The following MTA1 variants were observed in gnomAD, a reference collection of about 807,000 sequenced individuals.
The protein encoded by MTA1 is metastasis associated 1, also known as metastasis-associated protein MTA1.
In MTA1, 15 loss-of-function variants were observed where a neutral mutation model predicts 97.0. The ratio of observed to expected loss-of-function variants is 0.15; its 90% CI spans 0.10 to 0.24. The LOEUF is 0.24. Ranked by LOEUF, MTA1 falls within the 10% of genes least tolerant of loss-of-function variation. MTA1 has a pLI of 1.00. For synonymous variants in MTA1, 435 were observed against 417.5 expected, an observed-to-expected ratio of 1.04 and a Z score of -0.51; for missense variants, 709 against 1,015.1, an observed-to-expected ratio of 0.70 and a Z score of 4.10.
intron 3 of MTA1, among the ~76,000 whole-genome samples, chr14:105,446,391 G>A (rs1013981760): frequency 2.0e-5 from 3 of 152,234 alleles, no homozygotes; most frequent in Non-Finnish European, 2.9e-5. Context: ...GTGACTGCCC[G>A]GGTACCCGTG....
chr14:105,466,595 C>T lies in MTA1; in HGVS notation c.1777+17C>T. ...GGGTGGACGGTGAGTGGCCCCCCCG[C>T]CCGGTGAGTGTGGCCCTCCCCGCCC... On this transcript the variant is annotated intron_variant, in intron 17 of 20. Transcript: ENST00000331320. 4 of 1,564,786 alleles carry T rather than the reference C, an allele frequency of 2.6e-6. No homozygotes were observed. Among genetic ancestry groups the T allele is most frequent in the African/African-American group, 1.4e-5 (1 of 73,540 alleles).
chr14:105,463,040 G>A lies in MTA1; in HGVS notation c.943-144G>A. On this transcript the variant is annotated intron_variant, in intron 10 of 20. Transcript: ENST00000331320. This position sits in a 1 kb window ranked among gnomAD's most constrained non-coding sequence, Gnocchi z 5.9. The stretch of plus-strand genomic sequence containing the variant: ...CCTCTGCACCTGCCTGCCAGCAGGG[G>A]CCTGGCCTCCGTGCACCAAGCACAC... The A allele has an allele frequency of 2.6e-6, 2 of 767,750 alleles. No homozygotes were observed. The highest frequency in any genetic ancestry group is 2.2e-6 in the Non-Finnish European group (1 of 457,918). 47.6% of individuals were successfully genotyped at this position (767,750 alleles called of 1,614,324 possible). A position where few individuals can be genotyped will look rare whatever the true frequency, so the allele number is the denominator to read the frequency against.
chr14:105,470,341 CG>C lies in MTA1; in HGVS notation c.*127del. On this transcript the variant is annotated 3_prime_UTR_variant, in exon 21 of 21. Transcript: ENST00000331320. The stretch of plus-strand genomic sequence containing the variant: ...TCCCGCCCTCACCTGCAGAGAAACG[CG>C]CTCCTTGGCGGACACTGGGGGAGGA... 1 of 764,208 alleles carries C rather than the reference CG, an allele frequency of 1.3e-6. No homozygotes were observed. The highest frequency in any genetic ancestry group is 1.9e-6 in the Non-Finnish European group (1 of 527,128). 47.3% of individuals were successfully genotyped at this position (764,208 alleles called of 1,614,324 possible). A position where few individuals can be genotyped will look rare whatever the true frequency, so the allele number is the denominator to read the frequency against.
rs369854050 is a variant in MTA1, at chr14:105,463,567, C to T, written c.1076+16C>T. On this transcript the variant is annotated intron_variant, in intron 12 of 20. Coordinates refer to ENST00000331320, the MANE Select transcript of MTA1 (RefSeq NM_004689.4). The surrounding 1 kb of genome is among the most constrained non-coding windows in gnomAD (Gnocchi z 5.9). Reference sequence around the variant, plus strand: ...TTCCCAACTAGTAAGTGTGCCCTCACAGCCGTCGTCCTCGTGGCCCCGGGG... The same window carrying T: ...TTCCCAACTAGTAAGTGTGCCCTCATAGCCGTCGTCCTCGTGGCCCCGGGG... The T allele has an allele frequency of 4.5e-5, 72 of 1,612,342 alleles. No individual in the cohort carries two copies. The highest frequency in any genetic ancestry group is 5.8e-5 in the Non-Finnish European group (68 of 1,179,660).
intron 2 of MTA1, among the ~76,000 whole-genome samples, chr14:105,439,410 G>C (rs1197578531): frequency 6.6e-6 from 1 of 152,188 alleles, no homozygotes; most frequent in South Asian, 2.1e-4. Context: ...CTGGGGGGTG[G>C]TGACACATGG....
At position 105,442,606 on chromosome 14, in the gene MTA1, G is replaced by A. The variant is rs118014236; in HGVS notation, c.97-2812G>A. On this transcript the variant is annotated intron_variant, in intron 2 of 20. Coordinates refer to ENST00000331320, the MANE Select transcript of MTA1 (RefSeq NM_004689.4). ...AAGAGAAGAAAGAATGGCCTAGTGT[G>A]GCCTCACCGCCTTTACCTGTGTGTG... 1.4e-3 allele frequency among the ~76,000 whole-genome samples: 209 copies of A among 152,360 alleles called. 8 individuals are homozygous for A. The East Asian group carries it at 0.037, about 27-fold the overall frequency.
chr14:105,446,431 A>C (rs1480828546), intron 3 of MTA1, among the ~76,000 whole-genome samples: 1 of 152,120 alleles, frequency 6.6e-6, no homozygotes, highest in Non-Finnish European at 1.5e-5. Flanking sequence ...TCCCACCTGT[A>C]ACCTCCCACG....
intron 6 of MTA1, among the ~76,000 whole-genome samples, chr14:105,451,593 C>T (rs1279291781): frequency 6.6e-6 from 1 of 152,062 alleles, no homozygotes; most frequent in African/African-American, 2.4e-5. Flanking sequence ...TATCTGTGGG[C>T]ACAGAAAATG....
chr14:105,466,683 T>A, intron 17 of MTA1, 24 bp from the exon 18 acceptor site: 1 of 1,604,854 alleles, frequency 6.2e-7, no homozygotes, highest in Non-Finnish European at 8.5e-7. Flanking sequence ...CTTCTCTCCC[T>A]CTCTCCCACC....
In MTA1 at chr14:105,460,476, G is replaced by A; in HGVS notation, c.753+19G>A. 1 of 1,592,244 alleles carries A rather than the reference G, an allele frequency of 6.3e-7. No individual in the cohort carries two copies. Among genetic ancestry groups the A allele is most frequent in the South Asian group, 1.1e-5 (1 of 87,964 alleles). ...CACCCTGGTAAGTGGGCCCAGGGCG[G>A]GACAGGTGAGACCTGGGGTGGCCCA... On this transcript the variant is annotated intron_variant, in intron 9 of 20. Coordinates refer to ENST00000331320, the MANE Select transcript of MTA1 (RefSeq NM_004689.4).
chr14:105,452,622 C>CA (rs2082987464), intron 6 of MTA1, among the ~76,000 whole-genome samples: 1 of 152,178 alleles, frequency 6.6e-6, no homozygotes, highest in African/African-American at 2.4e-5. Flanking sequence ...GCGGAGGCTT[C>CA]ACTGAAGCAA....
intron 1 of MTA1, among the ~76,000 whole-genome samples, chr14:105,421,966 C>G (rs1324256477): frequency 6.6e-5 from 10 of 152,232 alleles, no homozygotes; most frequent in African/African-American, 2.4e-4. Context: ...CCCCACCATG[C>G]CTGGCAGAGA....
chr14:105,435,514 C>T (rs1322113298), intron 1 of MTA1, among the ~76,000 whole-genome samples: 4 of 152,180 alleles, frequency 2.6e-5, no homozygotes, highest in Admixed American at 6.5e-5. Flanking sequence ...TCTCAAACTC[C>T]TGGACTGAAG....
chr14:105,467,574 T>C, intron 18 of MTA1: 1 of 439,500 alleles, frequency 2.3e-6, no homozygotes, highest in Non-Finnish European at 4.6e-6. Context: ...GGGCCCCCCA[T>C]CTCCACCTGT....
intron 10 of MTA1, 56 bp downstream of exon 10, chr14:105,461,009 G>T: frequency 6.4e-7 from 1 of 1,551,380 alleles, no homozygotes; most frequent in Non-Finnish European, 8.8e-7. Flanking sequence ...CTCCAGGTAG[G>T]CTGCGGGGGT....
intron 1 of MTA1, among the ~76,000 whole-genome samples, chr14:105,421,351 G>A (rs1178673639): frequency 1.3e-5 from 2 of 152,130 alleles, no homozygotes; most frequent in Admixed American, 6.5e-5. Context: ...GTTCCTTCCT[G>A]TTCTTTCTCC....
rs2083501725 is a variant in MTA1, at chr14:105,464,838, C to T, written c.1509C>T (p.Ile503=). 1 of 1,588,596 alleles carries T rather than the reference C, an allele frequency of 6.3e-7. No individual in the cohort carries two copies. Residue 503 remains isoleucine (I), a synonymous_variant, in exon 15 of 21, where the codon ATC becomes ATT. Coordinates refer to ENST00000331320, the MANE Select transcript of MTA1 (RefSeq NM_004689.4). The stretch of plus-strand genomic sequence containing the variant: ...CTGCGCGGCACCCCTACCTGCCCAT[C>T]AACAGCGCGGCCATCAAGGCCGAGT... ...WHAARHPYLP[I]NSAAIKAECT... is the part of the protein sequence containing the mutation.
At chr14:105,425,945 C>T (rs187398392) in intron 1 of MTA1, among the ~76,000 whole-genome samples, 5 of 152,092 alleles carry the variant, frequency 3.3e-5, no homozygotes, top group African/African-American at 4.8e-5. Context: ...CCTGAGGGGT[C>T]TGAGGTGACC....
chr14:105,437,485 G>A (rs2082366647), intron 1 of MTA1, among the ~76,000 whole-genome samples: 1 of 151,778 alleles, frequency 6.6e-6, no homozygotes. Flanking sequence ...GTGTCCTCAC[G>A]GGCACGAGCC....
Sources: gnomAD v4.1 joint callset for allele counts (sites outside exome capture counted in the v4.1 genomes callset) on GRCh38, gnomAD v4.1.1 for gene constraint, Gnocchi (gnomAD v3.1) non-coding constraint, MANE v1.5 for transcripts, NCBI Gene and HGNC (gene_info 2026-07-23, HGNC 2026-07-21) for gene names.